PCSK1: variants seen among roughly 807,000 people sequenced by gnomAD.
PCSK1 encodes the protein proprotein convertase subtilisin/kexin type 1.
A neutral mutation model predicts 90.6 loss-of-function variants in PCSK1; 56 were observed. The ratio of observed to expected loss-of-function variants is 0.62; its 90% CI spans 0.50 to 0.77. The LOEUF is 0.77. Among genes scored for constraint, PCSK1 ranks in the 30% least tolerant of loss-of-function variants. The pLI, the probability that PCSK1 is intolerant of heterozygous loss-of-function variation, is 0.00. For missense variants in PCSK1, 801 were observed against 932.6 expected (o/e 0.86, Z 1.84); for synonymous variants, 348 against 342.4 (o/e 1.02, Z -0.18).
At chr5:96,413,983 A>G (rs1760860651) in intron 6 of PCSK1, among the ~76,000 whole-genome samples, 2 of 147,870 alleles carry the variant, frequency 1.4e-5, no homozygotes, top group Non-Finnish European at 3.0e-5. Flanking sequence ...AAAAAAAAAA[A>G]AAAAAATTAG....
At chr5:96,403,406 C>T (rs1760451844) in intron 9 of PCSK1, among the ~76,000 whole-genome samples, 1 of 152,000 alleles carries the variant, frequency 6.6e-6, no homozygotes, top group Admixed American at 6.6e-5. Context: ...TAATGCTATC[C>T]CTCTCCACTC....
chr5:96,410,124 A>T (rs1042204672), intron 8 of PCSK1, among the ~76,000 whole-genome samples: 2 of 152,112 alleles, frequency 1.3e-5, no homozygotes, highest in Non-Finnish European at 2.9e-5. Context: ...AAGCCCCTAA[A>T]TGCCCCTCCA....
chr5:96,429,097 T>C (rs374478746), intron 2 of PCSK1, 116 bp downstream of exon 2: 200 of 665,186 alleles, frequency 3.0e-4, no homozygotes, highest in Non-Finnish European at 4.4e-4. Flanking sequence ...AGATAAACAA[T>C]CTTGGTCACA....
intron 10 of PCSK1, among the ~76,000 whole-genome samples, chr5:96,399,304 A>AAGAAAAAAATGATTTTATCT (rs1735942251): frequency 2.6e-5 from 4 of 152,182 alleles, no homozygotes; most frequent in African/African-American, 9.7e-5. Flanking sequence ...AGCCCCTCTT[A>AAGAAAAAAATGATTTTATCT]AGAAAAAAAT....
chr5:96,402,998 T>C (rs753702678), intron 9 of PCSK1, among the ~76,000 whole-genome samples: 3 of 152,170 alleles, frequency 2.0e-5, no homozygotes, highest in Non-Finnish European at 4.4e-5. Context: ...AGGCAGTCAA[T>C]GGGCAACACA....
intron 13 of PCSK1, among the ~76,000 whole-genome samples, chr5:96,394,007 G>A (rs1246866588): frequency 6.6e-6 from 1 of 152,204 alleles, no homozygotes; most frequent in Non-Finnish European, 1.5e-5. Context: ...AAGTACTCAG[G>A]ACTCAGGTCC....
chr5:96,432,259 A>G, intron 1 of PCSK1: 2 of 768,804 alleles, frequency 2.6e-6, no homozygotes, highest in Non-Finnish European at 4.1e-6. Flanking sequence ...TTCACCCACC[A>G]TTTCTCCCCC....
In PCSK1 at chr5:96,430,212, T is replaced by C. The variant is rs143487898; in HGVS notation, c.181-895A>G. Among the ~76,000 whole-genome samples the C allele has an allele frequency of 7.2e-5, 11 of 152,346 alleles. No individual in the cohort carries two copies. In the East Asian group the frequency reaches 2.1e-3, roughly 29 times the overall value. On this transcript the variant is annotated intron_variant, in intron 1 of 13. Transcript: ENST00000311106. ...ACTTCTCCGGGTATCTATTGACATC[T>C]TTGGTTCATTTAGGACTATATTCAT...
chr5:96,404,396 C>G (rs1760486480), intron 9 of PCSK1, among the ~76,000 whole-genome samples: 1 of 152,168 alleles, frequency 6.6e-6, no homozygotes, highest in Non-Finnish European at 1.5e-5. Flanking sequence ...TAAATAAACT[C>G]CCCAGGTGAT....
chr5:96,418,936 C>G (rs1761022400), intron 5 of PCSK1, among the ~76,000 whole-genome samples: 1 of 152,098 alleles, frequency 6.6e-6, no homozygotes, highest in East Asian at 1.9e-4. Context: ...GAAAGAAGGT[C>G]TACCTCAGTT....
Position 96,410,597 on chromosome 5 carries a change from C to T in PCSK1, c.1095+177G>A, listed in dbSNP as rs569625594. Among the ~76,000 whole-genome samples, 341 of 152,128 alleles carry T rather than the reference C, an allele frequency of 2.2e-3. 4 individuals are homozygous for T. In the South Asian group the frequency reaches 0.034, roughly 15 times the overall value. ...CATCTTGGCAGAAGTGTCATTATCCCTGGAGAGAAAACTTTCTGATGGATG... is the reference window on the plus strand; with the variant it reads ...CATCTTGGCAGAAGTGTCATTATCCTTGGAGAGAAAACTTTCTGATGGATG... On this transcript the variant is annotated intron_variant, in intron 8 of 13. Coordinates refer to ENST00000311106, the MANE Select transcript of PCSK1 (RefSeq NM_000439.5).
rs1759928112 is a variant in PCSK1 at position 96,391,257 on chromosome 5, G to C, written c.*1744C>G. ...ATGGTAGAAGAGCAGGTGAAAATTT[G>C]TGTTACCAACCATACTTCAAGCCAA... On this transcript the variant is annotated 3_prime_UTR_variant, in exon 14 of 14. Transcript: ENST00000311106. 6.6e-6 allele frequency: 1 copy of C among 152,184 alleles called. No homozygotes were observed. The highest frequency in any genetic ancestry group is 1.5e-5 in the Non-Finnish European group (1 of 68,026). 9.4% of individuals were successfully genotyped at this position (152,184 alleles called of 1,614,324 possible).
At chr5:96,404,863 T>C (rs899763255) in intron 9 of PCSK1, among the ~76,000 whole-genome samples, 5 of 152,132 alleles carry the variant, frequency 3.3e-5, no homozygotes, top group Non-Finnish European at 7.4e-5. Context: ...GTTGTAAGCG[T>C]TATAATTAAT....
intron 13 of PCSK1, among the ~76,000 whole-genome samples, chr5:96,393,954 T>G (rs186560681): frequency 1.3e-5 from 2 of 152,164 alleles, no homozygotes; most frequent in Non-Finnish European, 2.9e-5. Flanking sequence ...GTTTCAATAT[T>G]CCAACACTGA....
intron 12 of PCSK1, among the ~76,000 whole-genome samples, chr5:96,396,662 A>G (rs1760160812): frequency 6.6e-6 from 1 of 152,170 alleles, no homozygotes; most frequent in South Asian, 2.1e-4. Flanking sequence ...TTATTCATTT[A>G]TATTCTCACC....
intron 13 of PCSK1, among the ~76,000 whole-genome samples, chr5:96,393,786 T>C (rs148866078): frequency 8.5e-4 from 130 of 152,316 alleles, no homozygotes; most frequent in African/African-American, 2.9e-3. Flanking sequence ...CTGGTTGCGG[T>C]AGCATGGGTG....
chr5:96,430,504 A>G (rs1376412896), intron 1 of PCSK1, among the ~76,000 whole-genome samples: 1 of 152,206 alleles, frequency 6.6e-6, no homozygotes, highest in African/African-American at 2.4e-5. Context: ...GCAGAAAAAG[A>G]TCACCAGTGC....
At chr5:96,393,813 C>T (rs1760039277) in intron 13 of PCSK1, among the ~76,000 whole-genome samples, 2 of 152,186 alleles carry the variant, frequency 1.3e-5, no homozygotes, top group African/African-American at 4.8e-5. Context: ...CCTGGAGGCA[C>T]TGGCTTTCAG....
chr5:96,425,719 T>C (rs1761284791), intron 3 of PCSK1, 101 bp downstream of exon 3: 2 of 674,458 alleles, frequency 3.0e-6, no homozygotes, highest in Non-Finnish European at 5.2e-6. Flanking sequence ...CCTATGAAAT[T>C]CTCCATCATA....
Sources: gnomAD v4.1 joint callset for allele counts (sites outside exome capture counted in the v4.1 genomes callset) on GRCh38, gnomAD v4.1.1 for gene constraint, MANE v1.5 for transcripts, NCBI Gene and HGNC (gene_info 2026-07-23, HGNC 2026-07-21) for gene names.